Variants in SLMAP observed in about 807,000 individuals in gnomAD.
SLMAP encodes the protein sarcolemma associated protein.
Under a neutral mutation model 128.8 loss-of-function variants are expected in SLMAP, and 44 were observed. The ratio of observed to expected loss-of-function variants is 0.34; its 90% CI spans 0.27 to 0.44. SLMAP has a LOEUF of 0.44. Among genes scored for constraint, SLMAP ranks in the 20% least tolerant of loss-of-function variants. The pLI is 1.00. For synonymous variants in SLMAP, 327 were observed against 348.8 expected, an observed-to-expected ratio of 0.94 and a Z score of 0.70; for missense variants, 787 against 985.3, an observed-to-expected ratio of 0.80 and a Z score of 2.69.
chr3:57,812,520 AG>A (rs1478250850), intron 2 of SLMAP, among the ~76,000 whole-genome samples: 1 of 152,108 alleles, frequency 6.6e-6, no homozygotes, highest in Non-Finnish European at 1.5e-5. Flanking sequence ...TGAATCCTCA[AG>A]TTTTGTTTTC....
intron 2 of SLMAP, among the ~76,000 whole-genome samples, chr3:57,767,761 GT>G (rs993996242): frequency 6.6e-6 from 1 of 152,062 alleles, no homozygotes; most frequent in Non-Finnish European, 1.5e-5. Flanking sequence ...AACTATGGGA[GT>G]TTTTTTCCCC....
chr3:57,781,332 A>G (rs1169089279), intron 2 of SLMAP, among the ~76,000 whole-genome samples: 1 of 152,220 alleles, frequency 6.6e-6, no homozygotes, highest in East Asian at 1.9e-4. Flanking sequence ...AATAGGTTAT[A>G]AAATGATTGG....
intron 4 of SLMAP, among the ~76,000 whole-genome samples, chr3:57,845,724 A>G (rs1293356563): frequency 6.6e-6 from 1 of 152,162 alleles, no homozygotes; most frequent in African/African-American, 2.4e-5. Flanking sequence ...CTGTATTCTC[A>G]TGAGAGTAAT....
At chr3:57,798,622 A>C (rs1198032949) in intron 2 of SLMAP, among the ~76,000 whole-genome samples, 7 of 152,208 alleles carry the variant, frequency 4.6e-5, no homozygotes, top group Non-Finnish European at 1.0e-4. Context: ...AACTCAGCTA[A>C]AAGTTGGTAA....
intron 19 of SLMAP, among the ~76,000 whole-genome samples, chr3:57,910,639 G>A (rs1259738085): frequency 1.3e-5 from 2 of 152,176 alleles, no homozygotes; most frequent in Non-Finnish European, 2.9e-5. Context: ...CCTGTCGAAT[G>A]TTTACTTCAA....
chr3:57,893,739 T>G (rs1198028655), intron 15 of SLMAP, among the ~76,000 whole-genome samples: 1 of 152,224 alleles, frequency 6.6e-6, no homozygotes, highest in African/African-American at 2.4e-5. Context: ...AGATTAGATG[T>G]ATTAGCCTCT....
rs373842586 is a variant in SLMAP at position 57,913,310 on chromosome 3, T to G, written c.2138+35T>G. 6.7e-4 allele frequency: 581 copies of G among 871,972 alleles called. 2 individuals carry two copies. The highest frequency in any genetic ancestry group is 9.7e-4 in the Non-Finnish European group (541 of 555,672). 54.0% of individuals were successfully genotyped at this position (871,972 alleles called of 1,614,324 possible). Reference sequence around the variant, plus strand: ...AACTCTCTGTTTTTCAGATATAAAATATTTCTTTATCTTAAATTTTCATCT... The same window carrying G: ...AACTCTCTGTTTTTCAGATATAAAAGATTTCTTTATCTTAAATTTTCATCT... On this transcript the variant is annotated intron_variant, in intron 21 of 24. Transcript: ENST00000671191.
At chr3:57,873,035 C>T (rs1391281414) in intron 14 of SLMAP, among the ~76,000 whole-genome samples, 2 of 152,150 alleles carry the variant, frequency 1.3e-5, no homozygotes, top group African/African-American at 4.8e-5. Context: ...GACACAAATT[C>T]AACAAATCAA....
rs922653955 is a variant in SLMAP at position 57,861,393 on chromosome 3, A to G, written c.828+554A>G. ...TAGATCTTTTCTTTGAACCACTGCA[A>G]AATTACCACATAAATAATGTATTAC... On this transcript the variant is annotated intron_variant, in intron 9 of 24. Coordinates refer to ENST00000671191, the MANE Select transcript of SLMAP (RefSeq NM_001377540.1). Among the ~76,000 whole-genome samples, 4 of 152,198 alleles carry G rather than the reference A, an allele frequency of 2.6e-5. No homozygotes were observed. The South Asian group carries it at 6.2e-4, about 24-fold the overall frequency.
At chr3:57,848,266 C>A (rs1213072683) in intron 5 of SLMAP, among the ~76,000 whole-genome samples, 1 of 150,212 alleles carries the variant, frequency 6.7e-6, no homozygotes, top group East Asian at 2.0e-4. Flanking sequence ...TCCTCCTCCT[C>A]CTCTTACTCC....
chr3:57,887,328 C>G (rs774340373), intron 14 of SLMAP, among the ~76,000 whole-genome samples: 1 of 150,568 alleles, frequency 6.6e-6, no homozygotes, highest in Non-Finnish European at 1.5e-5. Flanking sequence ...TTCCTGGGTT[C>G]AAACGGTTCT....
At chr3:57,912,833 C>T (rs1203059743) in intron 20 of SLMAP, 132 bp downstream of exon 20, 14 of 586,356 alleles carry the variant, frequency 2.4e-5, no homozygotes, top group Admixed American at 1.8e-4. Context: ...GTTTTTAAAT[C>T]GGAGCTAAAA....
chr3:57,819,506 A>C (rs2153527387), intron 2 of SLMAP, among the ~76,000 whole-genome samples: 1 of 152,212 alleles, frequency 6.6e-6, no homozygotes, highest in South Asian at 2.1e-4. Context: ...TAAGATGCAT[A>C]GTCCTATGAT....
chr3:57,866,715 T>G (rs2095313357), intron 13 of SLMAP, among the ~76,000 whole-genome samples: 1 of 152,068 alleles, frequency 6.6e-6, no homozygotes, highest in Non-Finnish European at 1.5e-5. Flanking sequence ...AAACTTTATC[T>G]CTACAAAAAA....
At chr3:57,909,853 C>A (rs2153686415) in intron 19 of SLMAP, among the ~76,000 whole-genome samples, 1 of 151,554 alleles carries the variant, frequency 6.6e-6, no homozygotes, top group African/African-American at 2.4e-5. Context: ...CTCAGGTGAT[C>A]CACCAATCTT....
chr3:57,827,320 A>T (rs2092993354), intron 2 of SLMAP, among the ~76,000 whole-genome samples: 1 of 152,226 alleles, frequency 6.6e-6, no homozygotes, highest in African/African-American at 2.4e-5. Context: ...GTTGAAAGTG[A>T]TGCAAAATGT....
chr3:57,906,300 C>CTTTTTTTTCT (rs2096541411), intron 17 of SLMAP, among the ~76,000 whole-genome samples: 7 of 71,290 alleles, frequency 9.8e-5, no homozygotes, highest in African/African-American at 3.4e-4. Flanking sequence ...AAATTTTTTT[C>CTTTTTTTTCT]TTTTTTTTTC....
chr3:57,900,717 G>C (rs1036890056), intron 17 of SLMAP: 2 of 153,140 alleles, frequency 1.3e-5, no homozygotes, highest in Non-Finnish European at 2.9e-5. Context: ...TAAGGTGGGA[G>C]GATCACTTGA....
intron 15 of SLMAP, 115 bp downstream of exon 15, chr3:57,890,215 A>G (rs2096023410): frequency 2.3e-6 from 2 of 876,038 alleles, no homozygotes; most frequent in Non-Finnish European, 3.6e-6. Context: ...AGCTCACAAA[A>G]TAGCAAGCCA....
Sources: gnomAD v4.1 joint callset for allele counts (sites outside exome capture counted in the v4.1 genomes callset) on GRCh38, gnomAD v4.1.1 for gene constraint, MANE v1.5 for transcripts, NCBI Gene and HGNC (gene_info 2026-07-23, HGNC 2026-07-21) for gene names.